SORCS1: variants seen among roughly 807,000 people sequenced by gnomAD.
The protein encoded by SORCS1 is VPS10 domain-containing receptor SorCS1.
A neutral mutation model predicts 146.1 loss-of-function variants in SORCS1; 60 were observed. The ratio of observed to expected loss-of-function variants is 0.41; its 90% CI spans 0.33 to 0.51. SORCS1 has a LOEUF of 0.51. SORCS1 is among the 20% of genes least tolerant of loss of function. The pLI is 0.21. For missense variants in SORCS1, 1,352 were observed against 1,487.6 expected (o/e 0.91, Z 1.50); for synonymous variants, 637 against 584.0 (o/e 1.09, Z -1.31).
At chr10:106,623,465 C>T (rs564071910) in intron 19 of SORCS1, among the ~76,000 whole-genome samples, 11 of 151,970 alleles carry the variant, frequency 7.2e-5, no homozygotes, top group South Asian at 2.1e-4. Context: ...AGGCTGGTCT[C>T]GAACTCCTGA....
rs764843779 is a variant in SORCS1, at chr10:106,629,281, G to T, written c.2583C>A (p.Asn861Lys). Residue 861 changes from asparagine to lysine, a missense_variant, in exon 19 of 26, where the codon AAC becomes AAA. By Grantham distance (94) the Asn-to-Lys change is moderately conservative (BLOSUM62 0). Around this residue, in one of 3 missense-constraint regions of SORCS1, gnomAD observed 648 missense variants for 793.8 expected, o/e 0.82. Coordinates refer to ENST00000263054, the MANE Select transcript of SORCS1 (RefSeq NM_052918.5). ...MEDGIKHVYQ[N>K]VGIFRVTVQV... ...GCACGGTCACACGGAAAATGCCCAC[G>T]TTCTGATAGACGTGTTTGATCCCAT... The T allele has an allele frequency of 4.3e-6, 7 of 1,614,116 alleles. No homozygotes were observed. The highest frequency in any genetic ancestry group is 5.9e-6 in the Non-Finnish European group (7 of 1,180,004).
In SORCS1 at chr10:106,914,244, G is replaced by GTTTTTTTT. The variant is rs1045547443; in HGVS notation, c.626+42261_626+42268dup. 3.0e-3 allele frequency among the ~76,000 whole-genome samples: 455 copies of GTTTTTTTT among 152,000 alleles called. 1 individual carries two copies. The highest frequency in any genetic ancestry group is 0.01 in the African/African-American group (423 of 41,444). ...AATTTATTAGCTTGTTTCTTATGCT[G>GTTTTTTTT]TTTTTTTTCTCCTTTCTCCCATTGG... On this transcript the variant is annotated intron_variant, in intron 2 of 25. Coordinates refer to ENST00000263054, the MANE Select transcript of SORCS1 (RefSeq NM_052918.5).
chr10:106,926,376 G>A (rs954731617), intron 2 of SORCS1, among the ~76,000 whole-genome samples: 1 of 152,100 alleles, frequency 6.6e-6, no homozygotes, highest in Non-Finnish European at 1.5e-5. Context: ...TTCCTAACCA[G>A]CTATTTAATA....
chr10:106,619,262 T>C (rs1055401277), intron 20 of SORCS1, among the ~76,000 whole-genome samples: 1 of 152,216 alleles, frequency 6.6e-6, no homozygotes, highest in Non-Finnish European at 1.5e-5. Context: ...GAGGGCCCAC[T>C]ATGGGCTGAG....
chr10:107,086,002 G>C (rs1188909715), intron 1 of SORCS1, among the ~76,000 whole-genome samples: 1 of 152,184 alleles, frequency 6.6e-6, no homozygotes, highest in African/African-American at 2.4e-5. Flanking sequence ...CCAAAGCCTA[G>C]AAGTGACTTG....
At chr10:106,611,879 C>A (rs1847015228) in intron 22 of SORCS1, 32 bp downstream of exon 22, 1 of 1,510,652 alleles carries the variant, frequency 6.6e-7, no homozygotes, top group South Asian at 1.1e-5. Context: ...AGAAAAGGTA[C>A]CCGGGCAAGA....
chr10:107,151,315 G>A (rs1418625696), intron 1 of SORCS1, among the ~76,000 whole-genome samples: 3 of 152,002 alleles, frequency 2.0e-5, no homozygotes, highest in Non-Finnish European at 2.9e-5. Context: ...CTCAGATAGA[G>A]ATGACAAACT....
chr10:106,788,936 CT>C (rs964899869), intron 3 of SORCS1, among the ~76,000 whole-genome samples: 1 of 152,248 alleles, frequency 6.6e-6, no homozygotes, highest in Non-Finnish European at 1.5e-5. Context: ...GCCTCTGCCC[CT>C]GCCTCAAACT....
At chr10:106,935,731 A>C (rs754084035) in intron 2 of SORCS1, among the ~76,000 whole-genome samples, 1 of 152,224 alleles carries the variant, frequency 6.6e-6, no homozygotes, top group Non-Finnish European at 1.5e-5. Context: ...AAGATCACAC[A>C]ATTAGTGGCA....
intron 1 of SORCS1, among the ~76,000 whole-genome samples, chr10:107,026,821 A>G (rs1182102158): frequency 6.6e-6 from 1 of 151,932 alleles, no homozygotes; most frequent in Non-Finnish European, 1.5e-5. Context: ...CAACTTGTAC[A>G]TCTCTGGGTA....
At chr10:106,578,568 T>TA (rs11463392) in intron 25 of SORCS1, 162,600 of 636,890 alleles carry the variant, frequency 0.26, 6,017 homozygotes, top group East Asian at 0.5. Context: ...CCAATAGATG[T>TA]AAAAAAAAAA....
chr10:106,616,320 A>G (rs978317807), intron 21 of SORCS1, among the ~76,000 whole-genome samples: 1 of 152,210 alleles, frequency 6.6e-6, no homozygotes, highest in Non-Finnish European at 1.5e-5. Context: ...AAAGGAAAAA[A>G]AAATCCAGTG....
intron 1 of SORCS1, among the ~76,000 whole-genome samples, chr10:107,043,573 G>A (rs1959190122): frequency 6.6e-6 from 1 of 151,910 alleles, no homozygotes; most frequent in Non-Finnish European, 1.5e-5. Context: ...ACTCATTCTG[G>A]TGCGCTCCTT....
intron 18 of SORCS1, among the ~76,000 whole-genome samples, chr10:106,642,652 C>A (rs1439431775): frequency 6.6e-6 from 1 of 152,032 alleles, no homozygotes; most frequent in South Asian, 2.1e-4. Context: ...TATACCCAAG[C>A]CTCTGAAGAA....
chr10:107,002,887 A>G (rs926561832), intron 1 of SORCS1, among the ~76,000 whole-genome samples: 3 of 152,198 alleles, frequency 2.0e-5, no homozygotes, highest in Non-Finnish European at 4.4e-5. Flanking sequence ...GTTGTTACTG[A>G]GATTCCATTA....
intron 18 of SORCS1, among the ~76,000 whole-genome samples, chr10:106,631,847 C>CT (rs1247907760): frequency 1.3e-5 from 2 of 152,154 alleles, no homozygotes; most frequent in East Asian, 3.9e-4. Context: ...TGTCCTGGAT[C>CT]AAGACCAGTT....
intron 5 of SORCS1, among the ~76,000 whole-genome samples, chr10:106,756,414 C>T (rs1449802365): frequency 2.0e-5 from 3 of 152,020 alleles, no homozygotes; most frequent in Non-Finnish European, 2.9e-5. Context: ...TGTAACTTCC[C>T]CATGATTTTT....
chr10:106,830,337 T>A (rs2137015209), intron 2 of SORCS1, among the ~76,000 whole-genome samples: 1 of 152,298 alleles, frequency 6.6e-6, no homozygotes, highest in East Asian at 1.9e-4. Flanking sequence ...AATAAATTGC[T>A]TTTAATTACC....
chr10:106,728,026 G>T (rs142304609), intron 6 of SORCS1, among the ~76,000 whole-genome samples: 2 of 145,374 alleles, frequency 1.4e-5, no homozygotes, highest in African/African-American at 2.6e-5. Context: ...AAAGCAATGG[G>T]AAGTAAGCAA....
Sources: allele counts gnomAD v4.1 joint callset (sites outside exome capture counted in the v4.1 genomes callset), GRCh38; gene constraint gnomAD v4.1.1; regional missense constraint gnomAD v4.1.1; transcripts MANE v1.5; gene names NCBI Gene and HGNC (gene_info 2026-07-23, HGNC 2026-07-21).